Variants in NAALADL2 observed in about 807,000 individuals in gnomAD.
NAALADL2 encodes the protein N-acetylated alpha-linked acidic dipeptidase like 2.
Under a neutral mutation model 87.2 loss-of-function variants are expected in NAALADL2, and 76 were observed. The ratio of observed to expected loss-of-function variants is 0.87; its 90% CI spans 0.72 to 1.05. NAALADL2 has a LOEUF of 1.05. Among genes scored for constraint, NAALADL2 ranks in the 50% least tolerant of loss-of-function variants. The pLI is 0.00. For synonymous variants in NAALADL2, 354 were observed against 331.0 expected (o/e 1.07, Z -0.75); for missense variants, 1,089 against 945.8 (o/e 1.15, Z -1.99).
At chr3:175,595,957 T>G (rs537633694) in intron 10 of NAALADL2, among the ~76,000 whole-genome samples, 1 of 152,132 alleles carries the variant, frequency 6.6e-6, no homozygotes, top group South Asian at 2.1e-4. Context: ...ATTCTTCTAT[T>G]CATGAAGGTT....
chr3:175,748,593 C>A (rs9845416), intron 12 of NAALADL2, among the ~76,000 whole-genome samples: 4,232 of 152,126 alleles, frequency 0.028, 149 homozygotes, highest in African/African-American at 0.084. Context: ...CTGGGAAATA[C>A]TATTAAAGAA....
At chr3:174,624,389 G>T (rs766299963) in intron 2 of NAALADL2, among the ~76,000 whole-genome samples, 2 of 152,040 alleles carry the variant, frequency 1.3e-5, no homozygotes, top group Non-Finnish European at 2.9e-5. Context: ...TTTGGGAGGC[G>T]GAGGCGGGTG....
At chr3:175,379,738 A>T (rs1462913452) in intron 5 of NAALADL2, among the ~76,000 whole-genome samples, 1 of 151,822 alleles carries the variant, frequency 6.6e-6, no homozygotes, top group Non-Finnish European at 1.5e-5. Context: ...CATTTTTGTA[A>T]ATATTCCTCA....
chr3:175,768,823 G>C (rs1018044109), intron 13 of NAALADL2, among the ~76,000 whole-genome samples: 1 of 148,510 alleles, frequency 6.7e-6, no homozygotes, highest in Non-Finnish European at 1.5e-5. Flanking sequence ...CAGCACTCCA[G>C]CCTGGGTGAT....
At chr3:175,628,194 C>T (rs544352079) in intron 11 of NAALADL2, among the ~76,000 whole-genome samples, 199 of 151,694 alleles carry the variant, frequency 1.3e-3, no homozygotes, top group South Asian at 2.3e-3. Context: ...GTGCCGTATT[C>T]GACAAATTAC....
At position 175,191,428 on chromosome 3, in the gene NAALADL2, A is replaced by G. The variant is rs1197737478; in HGVS notation, c.546-42503A>G. Among the ~76,000 whole-genome samples the G allele has an allele frequency of 2.6e-5, 4 of 152,316 alleles. No homozygotes were observed. The East Asian group carries it at 5.8e-4, about 22-fold the overall frequency. On this transcript the variant is annotated intron_variant, in intron 2 of 13. Transcript: ENST00000454872. ...GATCAATATTTGTATAAAGGGTAAC[A>G]TAGGATATACTGGTCAAGGAAATGT...
At chr3:174,441,780 T>G (rs540771915) in intron 1 of NAALADL2, among the ~76,000 whole-genome samples, 1 of 151,920 alleles carries the variant, frequency 6.6e-6, no homozygotes, top group South Asian at 2.1e-4. Context: ...CCTTGTGTTC[T>G]TTTCCCCCTC....
At chr3:175,688,795 A>G (rs1944904036) in intron 11 of NAALADL2, among the ~76,000 whole-genome samples, 2 of 152,148 alleles carry the variant, frequency 1.3e-5, no homozygotes, top group Non-Finnish European at 2.9e-5. Context: ...AGGTACCTGA[A>G]GAGAAGCTCT....
At chr3:174,913,158 A>AC (rs1560356220) in intron 1 of NAALADL2, among the ~76,000 whole-genome samples, 2 of 152,256 alleles carry the variant, frequency 1.3e-5, no homozygotes, top group Middle Eastern at 3.4e-3. Context: ...GTATGAAAAA[A>AC]GTTTTGGTAG....
intron 10 of NAALADL2, among the ~76,000 whole-genome samples, chr3:175,613,333 T>C (rs1052259982): frequency 6.6e-6 from 1 of 152,232 alleles, no homozygotes; most frequent in Admixed American, 6.5e-5. Flanking sequence ...TTTGGAAAGT[T>C]ATATTTTCAT....
chr3:175,136,711 TCTG>T (rs1259791772), intron 2 of NAALADL2, among the ~76,000 whole-genome samples: 2 of 152,078 alleles, frequency 1.3e-5, no homozygotes, highest in African/African-American at 4.8e-5. Flanking sequence ...TGCTTTAAAA[TCTG>T]CTACCAATTG....
intron 2 of NAALADL2, among the ~76,000 whole-genome samples, chr3:175,230,518 G>T (rs964884574): frequency 9.2e-5 from 14 of 151,910 alleles, no homozygotes; most frequent in Non-Finnish European, 1.5e-4. Flanking sequence ...TACATGAAAA[G>T]CTCCTCACTG....
intron 13 of NAALADL2, among the ~76,000 whole-genome samples, chr3:175,770,876 A>G (rs530893782): frequency 6.6e-6 from 1 of 152,324 alleles, no homozygotes; most frequent in East Asian, 1.9e-4. Flanking sequence ...TGGTTTGTAC[A>G]TTTCCTGTGT....
intron 12 of NAALADL2, among the ~76,000 whole-genome samples, chr3:175,750,392 C>CTCTCTTCT (rs1559971008): frequency 6.6e-6 from 1 of 152,134 alleles, no homozygotes; most frequent in Non-Finnish European, 1.5e-5. Context: ...ACATTTCTCT[C>CTCTCTTCT]TCTCTTCTTC....
chr3:175,258,896 A>C (rs969721540), intron 4 of NAALADL2, among the ~76,000 whole-genome samples: 1 of 152,194 alleles, frequency 6.6e-6, no homozygotes, highest in African/African-American at 2.4e-5. Flanking sequence ...CAGCAGAAAA[A>C]TAAATATGCA....
chr3:175,017,642 A>T lies in NAALADL2; in HGVS notation c.44-79148A>T, dbSNP rs57723244. Among the ~76,000 whole-genome samples, 9 of 152,162 alleles carry T rather than the reference A, an allele frequency of 5.9e-5. No homozygotes were observed. The East Asian group carries it at 1.7e-3, about 29-fold the overall frequency. ...AATGATTTCAAAGCCCTGCATGAAG[A>T]CTCAGACTAAAAATAGAAATATGCC... On this transcript the variant is annotated intron_variant, in intron 1 of 13. Transcript: ENST00000454872.
intron 10 of NAALADL2, among the ~76,000 whole-genome samples, chr3:175,625,993 T>C (rs1446231205): frequency 6.6e-6 from 1 of 152,028 alleles, no homozygotes; most frequent in Non-Finnish European, 1.5e-5. Flanking sequence ...ATGTTTTAAA[T>C]TATTCTTTCT....
chr3:175,372,058 A>G (rs1249761005), intron 5 of NAALADL2, among the ~76,000 whole-genome samples: 1 of 152,344 alleles, frequency 6.6e-6, no homozygotes, highest in East Asian at 1.9e-4. Context: ...CAGCCATAGC[A>G]TCTTAGAGTT....
intron 2 of NAALADL2, among the ~76,000 whole-genome samples, chr3:174,614,149 T>A (rs149694774): frequency 1.3e-5 from 2 of 152,290 alleles, no homozygotes; most frequent in African/African-American, 4.8e-5. Context: ...AGCCTTGGGT[T>A]TGGGGAGGGT....
Sources: gnomAD v4.1 joint callset for allele counts (sites outside exome capture counted in the v4.1 genomes callset) on GRCh38, gnomAD v4.1.1 for gene constraint, MANE v1.5 for transcripts, NCBI Gene and HGNC (gene_info 2026-07-23, HGNC 2026-07-21) for gene names.